CEP350: variants seen among roughly 807,000 people sequenced by gnomAD.
CEP350 encodes the protein centrosomal protein 350.
CEP350 carries 126 observed loss-of-function variants against 331.8 expected under a neutral mutation model. The ratio of observed to expected loss-of-function variants is 0.38; its 90% CI spans 0.33 to 0.44. The LOEUF (loss-of-function observed/expected upper bound fraction) is 0.44. Among genes scored for constraint, CEP350 ranks in the 20% least tolerant of loss-of-function variants. The probability of loss-of-function intolerance (pLI) is 1.00; values close to 1 mark genes in which losing one functional copy is unlikely to be tolerated. For missense variants in CEP350, 3,406 were observed against 3,634.6 expected, an observed-to-expected ratio of 0.94 and a Z score of 1.62; for synonymous variants, 1,200 against 1,259.5, an observed-to-expected ratio of 0.95 and a Z score of 1.00.
chr1:179,970,399 G>A (rs552521107), intron 1 of CEP350, among the ~76,000 whole-genome samples: 17 of 152,268 alleles, frequency 1.1e-4, no homozygotes, highest in African/African-American at 3.8e-4. Flanking sequence ...AATTTACTTG[G>A]AACAGTGTAA....
At chr1:180,016,858 T>C (rs1014381547) in intron 11 of CEP350, among the ~76,000 whole-genome samples, 12 of 151,988 alleles carry the variant, frequency 7.9e-5, no homozygotes, top group Non-Finnish European at 1.8e-4. Flanking sequence ...AGACTTTGTT[T>C]CACCATCTTG....
In CEP350 at chr1:180,053,027, A is replaced by T; in HGVS notation, c.4850A>T (p.Asp1617Val). 2 of 1,518,658 alleles carry T rather than the reference A, an allele frequency of 1.3e-6. No individual in the cohort carries two copies. Among genetic ancestry groups the T allele is most frequent in the Non-Finnish European group, 1.8e-6 (2 of 1,096,122 alleles). The allele number at this position is 1,518,658 out of a possible 1,614,324, so 94.1% of individuals were successfully genotyped here. Residue 1617 changes from aspartate to valine, a missense_variant, in exon 23 of 38, where the codon GAT becomes GTT. Coordinates refer to ENST00000367607, the MANE Select transcript of CEP350 (RefSeq NM_014810.5). ...AAATTTGATGAATCCATGACAGAAG[A>T]TGAAATAGAAGAACAATCATTTCGA... ...SLKFDESMTE[D>V]EIEEQSFRSL...
At position 179,954,989 on chromosome 1, in the gene CEP350, C is replaced by T; in HGVS notation, c.-167C>T. ...TTCCTTCCCAGCGGACCGGCGGATC[C>T]CCGGAGCCGGTGCGAGGAGGGCACC... On this transcript the variant is annotated 5_prime_UTR_variant, in exon 1 of 38. Coordinates refer to ENST00000367607, the MANE Select transcript of CEP350 (RefSeq NM_014810.5). The T allele has an allele frequency of 1.6e-6, 2 of 1,252,890 alleles. No homozygotes were observed. The highest frequency in any genetic ancestry group is 2.0e-6 in the Non-Finnish European group (2 of 979,916). 77.6% of individuals were successfully genotyped at this position (1,252,890 alleles called of 1,614,324 possible).
chr1:179,971,249 G>A (rs570858313), intron 1 of CEP350, among the ~76,000 whole-genome samples: 5 of 151,984 alleles, frequency 3.3e-5, no homozygotes, highest in South Asian at 2.1e-4. Flanking sequence ...GGCTGGTCTC[G>A]AACTCCTGAC....
chr1:180,096,968 A>ATGCTGGTCCTGCTGGTCC (rs201945061), intron 36 of CEP350, among the ~76,000 whole-genome samples: 2 of 152,088 alleles, frequency 1.3e-5, no homozygotes, highest in African/African-American at 4.8e-5. Context: ...CTCTCAAGTC[A>ATGCTGGTCCTGCTGGTCC]TGCTGGTCCT....
chr1:179,978,543 A>G (rs1571806952), intron 1 of CEP350, among the ~76,000 whole-genome samples: 1 of 151,676 alleles, frequency 6.6e-6, no homozygotes, highest in Admixed American at 6.6e-5. Context: ...AGCCCCCTTA[A>G]CCCCCCTCCC....
intron 1 of CEP350, among the ~76,000 whole-genome samples, chr1:179,982,022 A>G (rs1162846090): frequency 3.3e-5 from 5 of 152,090 alleles, no homozygotes; most frequent in African/African-American, 1.2e-4. Context: ...CAAAAACTAG[A>G]ATTATAAACC....
At chr1:180,089,664 T>A (rs1376159524) in intron 32 of CEP350, among the ~76,000 whole-genome samples, 1 of 152,072 alleles carries the variant, frequency 6.6e-6, no homozygotes, top group African/African-American at 2.4e-5. Flanking sequence ...GGGTTTCTCT[T>A]AGGTAGTTGA....
At chr1:180,067,728 C>T (rs903989703) in intron 27 of CEP350, among the ~76,000 whole-genome samples, 9 of 152,060 alleles carry the variant, frequency 5.9e-5, no homozygotes, top group Non-Finnish European at 1.3e-4. Context: ...AAGTATTTTC[C>T]GAAATTGGTG....
intron 27 of CEP350, 111 bp from the exon 28 acceptor site, chr1:180,074,911 A>AT: frequency 1.2e-6 from 1 of 865,746 alleles, no homozygotes; most frequent in Non-Finnish European, 1.7e-6. Flanking sequence ...AGTAGTATGA[A>AT]TGTTCTGCTT....
intron 17 of CEP350, among the ~76,000 whole-genome samples, chr1:180,039,916 T>C (rs1248245565): frequency 6.6e-6 from 1 of 152,228 alleles, no homozygotes; most frequent in East Asian, 1.9e-4. Flanking sequence ...GAACATGATA[T>C]ATTTTTCTAT....
At chr1:179,977,240 G>A (rs899421348) in intron 1 of CEP350, among the ~76,000 whole-genome samples, 2 of 152,162 alleles carry the variant, frequency 1.3e-5, no homozygotes, top group Non-Finnish European at 2.9e-5. Context: ...AGGGGACTAT[G>A]GGTGATTGAT....
intron 27 of CEP350, 95 bp downstream of exon 27, chr1:180,065,367 CAA>C: frequency 8.1e-7 from 1 of 1,232,258 alleles, no homozygotes; most frequent in Non-Finnish European, 1.1e-6. Flanking sequence ...TAGATTGAGA[CAA>C]AATATTTTAT....
Position 180,014,185 on chromosome 1 carries a change from G to T in CEP350, c.1732G>T (p.Ala578Ser), listed in dbSNP as rs1654828259. ...PVKRKPDKIT[A>S]NEDPPVISKR... ...AAAAAGAAAACCTGACAAAATAACA[G>T]CTAATGAAGATCCCCCTGTTATTTC... The change falls in exon 10 of 38, where the codon GCT becomes TCT. Residue 578 changes from alanine to serine, a missense_variant. By Grantham distance (99) the Ala-to-Ser change is moderately conservative. This residue lies in a region of CEP350 where 1,857 missense variants were observed against 1,909.2 expected (regional missense o/e 0.97). Coordinates refer to ENST00000367607, the MANE Select transcript of CEP350 (RefSeq NM_014810.5). 1 of 1,609,190 alleles carries T rather than the reference G, an allele frequency of 6.2e-7. No individual in the cohort carries two copies. The highest frequency in any genetic ancestry group is 8.5e-7 in the Non-Finnish European group (1 of 1,177,714).
At chr1:180,064,481 A>G (rs958810468) in intron 26 of CEP350, among the ~76,000 whole-genome samples, 2 of 151,978 alleles carry the variant, frequency 1.3e-5, no homozygotes, top group African/African-American at 4.8e-5. Flanking sequence ...TACTGTTGCT[A>G]CCCATCTTCC....
At position 180,053,937 on chromosome 1, in the gene CEP350, A is replaced by G; in HGVS notation, c.5174+3A>G. ...GCCTGGTTAGAGCATCAAAAAAAGT[A>G]AGTTCTTTTGAGCAGTTTTCACTAA... On this transcript the variant is annotated splice_donor_region_variant and intron_variant, in intron 24 of 37. Coordinates refer to ENST00000367607, the MANE Select transcript of CEP350 (RefSeq NM_014810.5). The G allele has an allele frequency of 6.5e-7, 1 of 1,536,060 alleles. No individual in the cohort carries two copies. The highest frequency in any genetic ancestry group is 8.8e-7 in the Non-Finnish European group (1 of 1,140,642).
In CEP350 at chr1:180,111,262, C is replaced by A; in HGVS notation, c.*101C>A. On this transcript the variant is annotated 3_prime_UTR_variant, in exon 38 of 38. Coordinates refer to ENST00000367607, the MANE Select transcript of CEP350 (RefSeq NM_014810.5). The stretch of plus-strand genomic sequence containing the variant: ...CCATCATAGCAAGAGTGCTTCTGGA[C>A]CTTGTACTTATTCTTAAAGACTACC... 1 of 1,366,344 alleles carries A rather than the reference C, an allele frequency of 7.3e-7. No homozygotes were observed. The highest frequency in any genetic ancestry group is 1.0e-6 in the Non-Finnish European group (1 of 1,000,508). 84.6% of individuals were successfully genotyped at this position (1,366,344 alleles called of 1,614,324 possible). A position where few individuals can be genotyped will look rare whatever the true frequency, so the allele number is the denominator to read the frequency against.
chr1:180,049,046 C>T (rs935032751), intron 22 of CEP350, among the ~76,000 whole-genome samples: 3 of 151,860 alleles, frequency 2.0e-5, no homozygotes, highest in African/African-American at 4.8e-5. Flanking sequence ...GCAGCTTTGG[C>T]GACAGAGCAA....
rs115169667 is a variant in CEP350 at position 180,018,623 on chromosome 1, C to T, written c.2175-1326C>T. 9.1e-3 allele frequency among the ~76,000 whole-genome samples: 1,378 copies of T among 152,220 alleles called. 21 individuals carry two copies. The highest frequency in any genetic ancestry group is 0.029 in the African/African-American group (1,221 of 41,536). ...ACTTATTATTACCCTGGTTACCCCCCTTCAGATGACTTATTTTAACCCAAT... is the reference window on the plus strand; with the variant it reads ...ACTTATTATTACCCTGGTTACCCCCTTTCAGATGACTTATTTTAACCCAAT... On this transcript the variant is annotated intron_variant, in intron 11 of 37. Transcript: ENST00000367607.
Sources: allele counts gnomAD v4.1 joint callset (sites outside exome capture counted in the v4.1 genomes callset), GRCh38; gene constraint gnomAD v4.1.1; regional missense constraint gnomAD v4.1.1; transcripts MANE v1.5; gene names NCBI Gene and HGNC (gene_info 2026-07-23, HGNC 2026-07-21).